The following PCDHGA5 variants were observed in gnomAD, a reference collection of about 807,000 sequenced individuals.
The protein encoded by PCDHGA5 is protocadherin gamma subfamily A, 5.
In PCDHGA5, 36 loss-of-function variants were observed where a neutral mutation model predicts 56.7. The observed-to-expected ratio is 0.64, with a 90% CI of 0.49 to 0.84. PCDHGA5 has a LOEUF of 0.84. PCDHGA5 is among the 40% of genes least tolerant of loss of function. The probability of loss-of-function intolerance (pLI) is 0.00; values close to 1 mark genes in which losing one functional copy is unlikely to be tolerated. For missense variants in PCDHGA5, 1,305 were observed against 1,201.5 expected, an observed-to-expected ratio of 1.09 and a Z score of -1.27; for synonymous variants, 563 against 520.2, an observed-to-expected ratio of 1.08 and a Z score of -1.12.
At chr5:141,370,481 C>G (rs1766946658) in intron 1 of PCDHGA5, 2 of 1,613,770 alleles carry the variant, frequency 1.2e-6, no homozygotes, top group African/African-American at 2.7e-5. Flanking sequence ...ACCAGGCTCT[C>G]TCCGAACCGA....
rs376819906 is a variant in PCDHGA5 at position 141,418,227 on chromosome 5, T to C, written c.2421+51476T>C. On this transcript the variant is annotated intron_variant, in intron 1 of 3. Transcript: ENST00000518069. ...AATATTTTTCATGTCATTGTGGTGA[T>C]TGAGGATGTTAATGACCACGCCCCT... The C allele has an allele frequency of 6.8e-6, 11 of 1,613,856 alleles. No homozygotes were observed. In the South Asian group the frequency reaches 7.7e-5, roughly 11 times the overall value.
chr5:141,374,130 T>C, intron 1 of PCDHGA5: 3 of 1,604,204 alleles, frequency 1.9e-6, no homozygotes, highest in Non-Finnish European at 1.7e-6. Flanking sequence ...CAGGTCCTGC[T>C]CCTCACGCTC....
At chr5:141,415,024 G>T in intron 1 of PCDHGA5, 1 of 1,613,568 alleles carries the variant, frequency 6.2e-7, no homozygotes, top group Non-Finnish European at 8.5e-7. Flanking sequence ...CAAGGCCAGC[G>T]AGCCGGGACT....
chr5:141,499,932 C>A (rs1169727162), intron 2 of PCDHGA5, among the ~76,000 whole-genome samples: 1 of 152,076 alleles, frequency 6.6e-6, no homozygotes, highest in Non-Finnish European at 1.5e-5. Context: ...AAGTGATCCA[C>A]CCTCCTCGGC....
intron 1 of PCDHGA5, chr5:141,389,258 C>G: frequency 6.2e-7 from 1 of 1,614,022 alleles, no homozygotes; most frequent in Non-Finnish European, 8.5e-7. Context: ...ATATAGTCCA[C>G]GTGGCCGAGA....
chr5:141,374,160 C>T, intron 1 of PCDHGA5: 1 of 1,612,164 alleles, frequency 6.2e-7, no homozygotes, highest in Non-Finnish European at 8.5e-7. Context: ...CTGTGGGGGG[C>T]CGCGGCAGCG....
chr5:141,437,762 A>G (rs1286042187), intron 1 of PCDHGA5, among the ~76,000 whole-genome samples: 1 of 149,476 alleles, frequency 6.7e-6, no homozygotes, highest in African/African-American at 2.5e-5. Context: ...TTTTTGAGAC[A>G]GAGTCTCAAT....
chr5:141,410,140 G>GCGTGA, intron 1 of PCDHGA5: 1 of 1,612,782 alleles, frequency 6.2e-7, no homozygotes, highest in Non-Finnish European at 8.5e-7. Flanking sequence ...TGGTCGCTGT[G>GCGTGA]CGTGACGGTG....
chr5:141,394,083 G>T, intron 1 of PCDHGA5: 1 of 1,613,826 alleles, frequency 6.2e-7, no homozygotes, highest in Non-Finnish European at 8.5e-7. Flanking sequence ...CACAGTGATG[G>T]CCTCAGATCT....
At chr5:141,459,938 C>T (rs373341229) in intron 1 of PCDHGA5, among the ~76,000 whole-genome samples, 4 of 152,148 alleles carry the variant, frequency 2.6e-5, no homozygotes, top group African/African-American at 4.8e-5. Context: ...TGTAGCTGGG[C>T]GTGATGGCAG....
Position 141,476,559 on chromosome 5 carries a change from T to C in PCDHGA5, c.2422-18248T>C. The stretch of plus-strand genomic sequence containing the variant: ...ATGAAATTGGAGATTAGCGAGGCCG[T>C]GGCTCCGGGGACGCGCTTTCCGCTC... On this transcript the variant is annotated intron_variant, in intron 1 of 3. Coordinates refer to ENST00000518069, the MANE Select transcript of PCDHGA5 (RefSeq NM_018918.3). This position sits in a 1 kb window ranked among gnomAD's most constrained non-coding sequence, Gnocchi z 7.6. 4 of 1,614,228 alleles carry C rather than the reference T, an allele frequency of 2.5e-6. No homozygotes were observed. Among genetic ancestry groups the C allele is most frequent in the Non-Finnish European group, 3.4e-6 (4 of 1,180,036 alleles).
At chr5:141,370,956 G>A in intron 1 of PCDHGA5, 1 of 1,613,992 alleles carries the variant, frequency 6.2e-7, no homozygotes, top group South Asian at 1.1e-5. Flanking sequence ...GAACCTGGAT[G>A]GCAGTAGGTA....
chr5:141,506,815 A>G (rs2099856451), intron 3 of PCDHGA5, among the ~76,000 whole-genome samples: 1 of 152,214 alleles, frequency 6.6e-6, no homozygotes, highest in African/African-American at 2.4e-5. Flanking sequence ...GCATTGCCCT[A>G]TATCATGAAC....
chr5:141,473,699 C>T (rs560096812), intron 1 of PCDHGA5, among the ~76,000 whole-genome samples: 2 of 152,244 alleles, frequency 1.3e-5, no homozygotes, highest in South Asian at 2.1e-4. Flanking sequence ...TGACCACCCT[C>T]CAAGTGGTGC....
chr5:141,371,694 T>A lies in PCDHGA5; in HGVS notation c.2421+4943T>A, dbSNP rs1409788183. 6.8e-6 allele frequency: 11 copies of A among 1,613,912 alleles called. No homozygotes were observed. The Admixed American group carries it at 1.7e-4, about 24-fold the overall frequency. ...CGACAAAGGCAATCCACCGCTCTCC[T>A]CCAGCAAGACCATCACTCTGCACAT... On this transcript the variant is annotated intron_variant, in intron 1 of 3. Coordinates refer to ENST00000518069, the MANE Select transcript of PCDHGA5 (RefSeq NM_018918.3).
chr5:141,465,171 G>T (rs969390966), intron 1 of PCDHGA5, among the ~76,000 whole-genome samples: 1 of 151,728 alleles, frequency 6.6e-6, no homozygotes, highest in Non-Finnish European at 1.5e-5. Flanking sequence ...TGTTTATGAA[G>T]AAATTTAATT....
At position 141,485,010 on chromosome 5, in the gene PCDHGA5, C is replaced by T; in HGVS notation, c.2422-9797C>T. 1 of 629,958 alleles carries T rather than the reference C, an allele frequency of 1.6e-6. No homozygotes were observed. The highest frequency in any genetic ancestry group is 2.9e-6 in the Non-Finnish European group (1 of 350,608). 39.0% of individuals were successfully genotyped at this position (629,958 alleles called of 1,614,324 possible). On this transcript the variant is annotated intron_variant, in intron 1 of 3. Coordinates refer to ENST00000518069, the MANE Select transcript of PCDHGA5 (RefSeq NM_018918.3). This position sits in a 1 kb window ranked among gnomAD's most constrained non-coding sequence, Gnocchi z 5.7. ...GTGGTGAAAGGCAGACAAATCTACC[C>T]CGCCACCAGCAAAAACGGCGCGTAA...
rs561548499 is a variant in PCDHGA5, at chr5:141,414,930, C to T, written c.2421+48179C>T. On this transcript the variant is annotated intron_variant, in intron 1 of 3. Coordinates refer to ENST00000518069, the MANE Select transcript of PCDHGA5 (RefSeq NM_018918.3). ...CAGGCGTGGAGCTGGCGCCCCGCTC[C>T]GCAGAGCCCGGCTACCTGGTGACCA... 1.9e-6 allele frequency: 3 copies of T among 1,614,156 alleles called. No homozygotes were observed. The South Asian group carries it at 3.3e-5, about 18-fold the overall frequency.
At position 141,476,002 on chromosome 5, in the gene PCDHGA5, C is replaced by A; in HGVS notation, c.2422-18805C>A. 1 of 1,247,396 alleles carries A rather than the reference C, an allele frequency of 8.0e-7. No individual in the cohort carries two copies. Among genetic ancestry groups the A allele is most frequent in the Non-Finnish European group, 1.1e-6 (1 of 904,880 alleles). 77.3% of individuals were successfully genotyped at this position (1,247,396 alleles called of 1,614,324 possible). ...AGCCGGCGAGCAAATCAACGGCATC[C>A]AGAAAGCCATGTCGGACTCGGCGCC... On this transcript the variant is annotated intron_variant, in intron 1 of 3. Transcript: ENST00000518069. This position sits in a 1 kb window ranked among gnomAD's most constrained non-coding sequence, Gnocchi z 7.6.
Sources: gnomAD v4.1 joint callset for allele counts (sites outside exome capture counted in the v4.1 genomes callset) on GRCh38, gnomAD v4.1.1 for gene constraint, Gnocchi (gnomAD v3.1) non-coding constraint, MANE v1.5 for transcripts, NCBI Gene and HGNC (gene_info 2026-07-23, HGNC 2026-07-21) for gene names.